The following KIF21A variants were observed in gnomAD, a reference collection of about 807,000 sequenced individuals.
KIF21A encodes kinesin family member 21A.
Under a neutral mutation model 202.9 loss-of-function variants are expected in KIF21A, and 114 were observed. That is an observed-to-expected ratio of 0.56 (90% CI 0.48 to 0.66). The LOEUF (loss-of-function observed/expected upper bound fraction) is 0.66, where lower values mean the gene tolerates loss of function less well. Ranked by LOEUF, KIF21A falls within the 30% of genes least tolerant of loss-of-function variation. The probability of loss-of-function intolerance (pLI) is 0.00; values close to 1 mark genes in which losing one functional copy is unlikely to be tolerated. For missense variants in KIF21A, 1,677 were observed against 1,994.9 expected (o/e 0.84, Z 3.04); for synonymous variants, 667 against 670.8 (o/e 0.99, Z 0.09).
chr12:39,419,565 G>A (rs1954071411), intron 1 of KIF21A, among the ~76,000 whole-genome samples: 1 of 152,040 alleles, frequency 6.6e-6, no homozygotes, highest in African/African-American at 2.4e-5. Flanking sequence ...TTTTCTTACT[G>A]CCTCATAATT....
intron 27 of KIF21A, among the ~76,000 whole-genome samples, chr12:39,320,656 C>T (rs1001521785): frequency 1.3e-5 from 2 of 150,076 alleles, no homozygotes; most frequent in African/African-American, 4.9e-5. Context: ...AAGTCTGGGC[C>T]AGGCATGGTG....
intron 16 of KIF21A, among the ~76,000 whole-genome samples, chr12:39,339,701 C>A (rs1408456188): frequency 6.6e-6 from 1 of 152,094 alleles, no homozygotes; most frequent in African/African-American, 2.4e-5. Flanking sequence ...ATTAGTGCTT[C>A]TCTAAGTATA....
In KIF21A at chr12:39,351,799, T is replaced by C. The variant is rs968902446; in HGVS notation, c.1651A>G (p.Lys551Glu). Residue 551 changes from lysine to glutamate, a missense_variant, in exon 11 of 38, where the codon AAA (lysine) becomes GAA (glutamate). This residue lies in a region of KIF21A where 966 missense variants were observed against 1,180.9 expected (regional missense o/e 0.82). Transcript: ENST00000361418. ...AKKDLEKLKR[K>E]EKRKKKRLQK... Reference sequence around the variant, plus strand: ...CACCTTTTTTTCTTCCTCTTTTCTTTTCTTTTCAACTTCTCTAAATCTTTT... The same window carrying C: ...CACCTTTTTTTCTTCCTCTTTTCTTCTCTTTTCAACTTCTCTAAATCTTTT... The C allele has an allele frequency of 6.3e-7, 1 of 1,581,314 alleles. No homozygotes were observed. The highest frequency in any genetic ancestry group is 8.7e-7 in the Non-Finnish European group (1 of 1,151,386).
chr12:39,315,960 T>G lies in KIF21A; in HGVS notation c.3919A>C (p.Ser1307Arg). ...TSVQQDKSDE[S>R]DSSLSEVHRS... is the part of the protein sequence containing the mutation. ...TGTACCTCCGAGAGAGAGGAGTCAC[T>G]TTCATCAGACCTATAGTGAAAGAGT... Residue 1307 changes from serine to arginine, a missense_variant, in exon 30 of 38, where the codon AGT (serine) becomes CGT (arginine). Ser to Arg is a moderately radical substitution (Grantham distance 110, BLOSUM62 -1). Coordinates refer to ENST00000361418, the MANE Select transcript of KIF21A (RefSeq NM_001173464.2). 6.2e-7 allele frequency: 1 copy of G among 1,603,296 alleles called. No homozygotes were observed. Among genetic ancestry groups the G allele is most frequent in the Non-Finnish European group, 8.5e-7 (1 of 1,170,630 alleles).
chr12:39,404,989 A>G (rs1321797576), intron 1 of KIF21A, among the ~76,000 whole-genome samples: 1 of 152,050 alleles, frequency 6.6e-6, no homozygotes, highest in Non-Finnish European at 1.5e-5. Context: ...TTTTTTTCAA[A>G]CTAAAAAAAT....
chr12:39,345,150 C>T (rs1947786041), intron 12 of KIF21A, among the ~76,000 whole-genome samples: 1 of 152,170 alleles, frequency 6.6e-6, no homozygotes. Flanking sequence ...TCTGTAACCA[C>T]CCAACCACTC....
intron 34 of KIF21A, 128 bp downstream of exon 34, chr12:39,307,436 AT>A: frequency 1.3e-6 from 1 of 788,356 alleles, no homozygotes; most frequent in Non-Finnish European, 2.1e-6. Flanking sequence ...ACTATGCTGA[AT>A]AAAAAAGCCT....
rs1472790647 is a variant in KIF21A at position 39,365,526 on chromosome 12, A to G, written c.903+824T>C. ...GAAGCTTTATGCTAACTAAATCACA[A>G]GGAGTTTTCCAATCAAAATGCCACT... On this transcript the variant is annotated intron_variant, in intron 6 of 37. Transcript: ENST00000361418. Among the ~76,000 whole-genome samples, 3 of 152,250 alleles carry G rather than the reference A, an allele frequency of 2.0e-5. No homozygotes were observed. In the East Asian group the frequency reaches 5.8e-4, roughly 29 times the overall value.
intron 1 of KIF21A, among the ~76,000 whole-genome samples, chr12:39,388,534 T>A (rs973196410): frequency 3.3e-5 from 5 of 152,134 alleles, no homozygotes; most frequent in South Asian, 2.1e-4. Context: ...TATATCAATA[T>A]CCTAGGGACA....
intron 1 of KIF21A, among the ~76,000 whole-genome samples, chr12:39,418,593 C>T (rs969940345): frequency 3.3e-5 from 5 of 152,130 alleles, no homozygotes; most frequent in African/African-American, 1.2e-4. Flanking sequence ...GAGTGGAAGC[C>T]ATTTAATTCA....
At chr12:39,367,754 C>T in intron 4 of KIF21A, 129 bp downstream of exon 4, 1 of 728,126 alleles carries the variant, frequency 1.4e-6, no homozygotes, top group Non-Finnish European at 2.3e-6. Flanking sequence ...GGAAAGAACA[C>T]AAGATCTTAA....
At chr12:39,337,289 G>C in intron 16 of KIF21A, 86 bp from the exon 17 acceptor site, 1 of 841,288 alleles carries the variant, frequency 1.2e-6, no homozygotes, top group Non-Finnish European at 2.0e-6. Flanking sequence ...TAAGTTCTTA[G>C]AATTCTGAAT....
At chr12:39,371,111 A>G (rs1949924441) in intron 1 of KIF21A, among the ~76,000 whole-genome samples, 2 of 152,208 alleles carry the variant, frequency 1.3e-5, no homozygotes, top group Non-Finnish European at 2.9e-5. Context: ...GAATAATAAG[A>G]AAAGGAAGTC....
chr12:39,349,567 AGGTTTATT>A (rs1266425766), intron 11 of KIF21A, among the ~76,000 whole-genome samples: 8 of 152,020 alleles, frequency 5.3e-5, no homozygotes, highest in Admixed American at 5.3e-4. Flanking sequence ...CTGGAACTCT[AGGTTTATT>A]GTATGCTGGT....
rs1173041313 is a variant in KIF21A, at chr12:39,367,170, A to G, written c.601-6T>C. On this transcript the variant is annotated splice_region_variant and splice_polypyrimidine_tract_variant and intron_variant, in intron 4 of 37. Transcript: ENST00000361418. ...AACTTCAAACACTGCATCATCTGAA[A>G]AAGGGGAAGAAACAAGGACTTTACT... is the stretch of plus-strand genomic sequence containing the variant. 1.9e-6 allele frequency: 3 copies of G among 1,613,768 alleles called. No homozygotes were observed. Among genetic ancestry groups the G allele is most frequent in the Non-Finnish European group, 8.5e-7 (1 of 1,179,838 alleles).
At position 39,363,219 on chromosome 12, in the gene KIF21A, A is replaced by G. The variant is rs537579014; in HGVS notation, c.904-6T>C. 4.3e-5 allele frequency: 65 copies of G among 1,499,516 alleles called. 1 individual carries two copies. In the South Asian group the frequency reaches 6.8e-4, roughly 16 times the overall value. 92.9% of individuals were successfully genotyped at this position (1,499,516 alleles called of 1,614,324 possible). ...ATTACATTGCCAAGTGCCAACTAAA[A>G]GAAAGAGAAAGAAAGACAGCAAAAT... On this transcript the variant is annotated splice_region_variant and splice_polypyrimidine_tract_variant and intron_variant, in intron 6 of 37. Transcript: ENST00000361418.
intron 1 of KIF21A, among the ~76,000 whole-genome samples, chr12:39,395,842 C>CAA (rs747398067): frequency 0.019 from 1,594 of 84,902 alleles, 52 homozygotes; most frequent in African/African-American, 0.063. Context: ...GACTCCGTCT[C>CAA]AAAAAAAAAA....
At chr12:39,418,960 A>G (rs552149961) in intron 1 of KIF21A, among the ~76,000 whole-genome samples, 1 of 152,332 alleles carries the variant, frequency 6.6e-6, no homozygotes, top group East Asian at 1.9e-4. Context: ...CAGTTTCTCA[A>G]ACAGTGGTTT....
intron 12 of KIF21A, among the ~76,000 whole-genome samples, chr12:39,342,631 G>C (rs530963683): frequency 1.3e-5 from 2 of 152,286 alleles, no homozygotes; most frequent in South Asian, 4.1e-4. Context: ...ATATCCATCA[G>C]TATTTTCAGG....
Sources: allele counts gnomAD v4.1 joint callset (sites outside exome capture counted in the v4.1 genomes callset), GRCh38; gene constraint gnomAD v4.1.1; regional missense constraint gnomAD v4.1.1; transcripts MANE v1.5; gene names NCBI Gene and HGNC (gene_info 2026-07-23, HGNC 2026-07-21).